COL4A6: variants seen among roughly 807,000 people sequenced by gnomAD.
COL4A6 encodes collagen alpha-6(IV) chain.
A neutral mutation model predicts 126.7 loss-of-function variants in COL4A6; 59 were observed. The observed-to-expected ratio is 0.47, with a 90% CI of 0.38 to 0.58. COL4A6 has a LOEUF of 0.58. Among genes scored for constraint, COL4A6 ranks in the 20% least tolerant of loss-of-function variants. COL4A6 has a pLI of 0.00. For missense variants in COL4A6, 1,285 were observed against 1,337.3 expected (o/e 0.96, Z 0.61); for synonymous variants, 547 against 496.6 (o/e 1.10, Z -1.35).
chrX:108,171,279 T>C (rs1367908402), intron 33 of COL4A6, 108 bp downstream of exon 33: 2 of 619,554 alleles, frequency 3.2e-6, no homozygotes, highest in African/African-American at 4.5e-5. Flanking sequence ...GGAAATTTTC[T>C]GCACTGGATA....
rs1313094695 is a variant in COL4A6, at chrX:108,256,074, T to C, written c.145-34700A>G. Among the ~76,000 whole-genome samples, 5 of 111,733 alleles carry C rather than the reference T, an allele frequency of 4.5e-5. No homozygotes were observed. In the East Asian group the frequency reaches 1.1e-3, roughly 25 times the overall value. On this transcript the variant is annotated intron_variant, in intron 3 of 44. Coordinates refer to ENST00000334504, the MANE Select transcript of COL4A6 (RefSeq NM_033641.4). The stretch of plus-strand genomic sequence containing the variant: ...ATTTGAAAAAAGAAGAATTATATAG[T>C]GAAATCAGAGTTTTTGCAAAGAGGA...
chrX:108,279,177 A>G (rs1252674137), intron 3 of COL4A6, among the ~76,000 whole-genome samples: 1 of 111,717 alleles, frequency 9.0e-6, no homozygotes, highest in African/African-American at 3.3e-5. Context: ...TAAATGCTCC[A>G]ATTAAAAGAC....
At chrX:108,411,359 T>A (rs1945241348) in intron 2 of COL4A6, among the ~76,000 whole-genome samples, 1 of 111,731 alleles carries the variant, frequency 9.0e-6, no homozygotes, top group Non-Finnish European at 1.9e-5. Context: ...TAGAAAGAGG[T>A]ATGCAATTTT....
chrX:108,171,139 A>C (rs913678776), intron 33 of COL4A6, among the ~76,000 whole-genome samples: 3 of 112,526 alleles, frequency 2.7e-5, no homozygotes, highest in Non-Finnish European at 5.6e-5. Flanking sequence ...ATAAGTGGAA[A>C]TGTTCAAGAA....
At chrX:108,261,271 T>C (rs1490912229) in intron 3 of COL4A6, among the ~76,000 whole-genome samples, 1 of 112,107 alleles carries the variant, frequency 8.9e-6, no homozygotes, top group Non-Finnish European at 1.9e-5. Flanking sequence ...GCTACTGTAT[T>C]GCACACCATA....
intron 2 of COL4A6, among the ~76,000 whole-genome samples, chrX:108,378,656 T>A (rs1372458525): frequency 8.9e-6 from 1 of 112,671 alleles, no homozygotes; most frequent in Non-Finnish European, 1.9e-5. Flanking sequence ...CCAGGTATGA[T>A]CCATAAAAAC....
chrX:108,198,978 C>T (rs1040665004), intron 13 of COL4A6, among the ~76,000 whole-genome samples: 3 of 111,239 alleles, frequency 2.7e-5, no homozygotes, highest in African/African-American at 9.8e-5. Context: ...CTCTGATGAC[C>T]TCCATGGAAG....
chrX:108,275,259 A>C (rs1243504125), intron 3 of COL4A6, among the ~76,000 whole-genome samples: 1 of 111,963 alleles, frequency 8.9e-6, no homozygotes, highest in East Asian at 2.8e-4. Flanking sequence ...TCCAAAACTA[A>C]GCATAGTTCA....
At chrX:108,179,470 T>C in intron 25 of COL4A6, 32 bp from the exon 26 acceptor site, 4 of 1,115,309 alleles carry the variant, frequency 3.6e-6, no homozygotes, top group Non-Finnish European at 4.8e-6. Flanking sequence ...TAAAAGACCA[T>C]GGCTGTTTAG....
chrX:108,391,503 T>C (rs768427587), intron 2 of COL4A6, among the ~76,000 whole-genome samples: 8 of 111,491 alleles, frequency 7.2e-5, no homozygotes, highest in Middle Eastern at 4.6e-3. Flanking sequence ...AAATCACCTA[T>C]TCAAGCCTCG....
At chrX:108,281,628 A>G (rs1315039161) in intron 3 of COL4A6, among the ~76,000 whole-genome samples, 2 of 111,806 alleles carry the variant, frequency 1.8e-5, no homozygotes, top group Non-Finnish European at 3.8e-5. Context: ...CTTTCTTCAC[A>G]GAATTGGAAA....
rs756847633 is a variant in COL4A6, at chrX:108,176,772, G to C, written c.2686+69C>G. 28 of 1,062,481 alleles carry C rather than the reference G, an allele frequency of 2.6e-5. No homozygotes were observed. In the East Asian group the frequency reaches 3.7e-4, roughly 14 times the overall value. The allele number at this position is 1,062,481 out of a possible 1,213,427, so 87.6% of individuals were successfully genotyped here. On this transcript the variant is annotated intron_variant, in intron 28 of 44. Transcript: ENST00000334504. ...TTCCCATTCCTAGGCAGAGAGGAAGGAGCAAGCTGCGCAGCTGAAATGCTC... is the reference window on the plus strand; with the variant it reads ...TTCCCATTCCTAGGCAGAGAGGAAGCAGCAAGCTGCGCAGCTGAAATGCTC...
At chrX:108,279,905 A>G (rs950966029) in intron 3 of COL4A6, among the ~76,000 whole-genome samples, 1 of 111,676 alleles carries the variant, frequency 9.0e-6, no homozygotes, top group African/African-American at 3.3e-5. Flanking sequence ...TGGGTACACA[A>G]CGAAATGAAG....
At chrX:108,162,790 G>T in intron 41 of COL4A6, 102 bp downstream of exon 41, 1 of 903,339 alleles carries the variant, frequency 1.1e-6, no homozygotes, top group Non-Finnish European at 1.5e-6. Context: ...GAGAGGCAAC[G>T]CTTGATGAAG....
rs36190820 is a variant in COL4A6, at chrX:108,237,859, CATCTATCTATCTATCT to C, written c.145-16501_145-16486del. ...TTTCCCTCTCTCCCTCTGTCTCTAT[CATCTATCTATCTATCT>C]ATCTATCTATCTATCTATCTATCTA... On this transcript the variant is annotated intron_variant, in intron 3 of 44. Transcript: ENST00000334504. 3.5e-3 allele frequency among the ~76,000 whole-genome samples: 324 copies of C among 91,647 alleles called. 2 individuals carry two copies. The highest frequency in any genetic ancestry group is 1.0e-2 in the African/African-American group (248 of 24,874). The allele number at this position is 91,647 out of a possible 115,157, so 79.6% of individuals were successfully genotyped here.
chrX:108,303,389 A>G (rs965697249), intron 3 of COL4A6, among the ~76,000 whole-genome samples: 4 of 111,578 alleles, frequency 3.6e-5, no homozygotes, highest in Admixed American at 2.8e-4. Flanking sequence ...GAGGGGGTAG[A>G]CTAGGAGGAG....
intron 3 of COL4A6, among the ~76,000 whole-genome samples, chrX:108,227,185 A>G (rs1267238079): frequency 8.9e-6 from 1 of 111,915 alleles, no homozygotes; most frequent in Non-Finnish European, 1.9e-5. Context: ...TCTTTACTGA[A>G]TCACCTGTGC....
chrX:108,173,572 C>T (rs2034385270), intron 31 of COL4A6, among the ~76,000 whole-genome samples: 1 of 110,476 alleles, frequency 9.1e-6, no homozygotes, highest in Non-Finnish European at 1.9e-5. Flanking sequence ...TGCAAGGAGC[C>T]CAGGTGTTCT....
intron 3 of COL4A6, among the ~76,000 whole-genome samples, chrX:108,243,163 T>C (rs2036621102): frequency 1.8e-5 from 2 of 111,777 alleles, no homozygotes; most frequent in African/African-American, 6.5e-5. Flanking sequence ...GGATATAAAA[T>C]AGTAGTTCTT....
Sources: allele counts gnomAD v4.1 joint callset (sites outside exome capture counted in the v4.1 genomes callset), GRCh38; gene constraint gnomAD v4.1.1; transcripts MANE v1.5; gene names NCBI Gene and HGNC (gene_info 2026-07-23, HGNC 2026-07-21).